The following IFT27 variants were observed in gnomAD, a reference collection of about 807,000 sequenced individuals.
The protein encoded by IFT27 is intraflagellar transport 27.
In IFT27, 19 loss-of-function variants were observed where a neutral mutation model predicts 23.9. The observed-to-expected ratio is 0.79, with a 90% CI of 0.55 to 1.16. The LOEUF (loss-of-function observed/expected upper bound fraction) is 1.16. Ranked by LOEUF, IFT27 falls within the 50% of genes most tolerant of loss-of-function variation. The pLI is 0.00. For missense variants in IFT27, 206 were observed against 228.7 expected, an observed-to-expected ratio of 0.90 and a Z score of 0.64; for synonymous variants, 91 against 89.1, an observed-to-expected ratio of 1.02 and a Z score of -0.12.
intron 5 of IFT27, 161 bp from the exon 6 acceptor site, chr22:36,763,174 G>A (rs1287799869): frequency 2.1e-5 from 10 of 479,624 alleles, no homozygotes; most frequent in Admixed American, 1.2e-4. Flanking sequence ...GGGGTCTCTC[G>A]TGATGGCCCC....
chr22:36,759,569 A>G (rs1159098710), intron 6 of IFT27: 1 of 152,096 alleles, frequency 6.6e-6, no homozygotes. Flanking sequence ...GCATTCAAAA[A>G]CTTTCTCAGA....
chr22:36,772,210 C>G (rs1938399880), intron 1 of IFT27, among the ~76,000 whole-genome samples: 2 of 152,190 alleles, frequency 1.3e-5, no homozygotes, highest in Non-Finnish European at 2.9e-5. Flanking sequence ...CAGAGCAACC[C>G]TCCCAGGAGG....
chr22:36,767,691 A>T, intron 2 of IFT27, 92 bp downstream of exon 2: 1 of 1,180,842 alleles, frequency 8.5e-7, no homozygotes, highest in Non-Finnish European at 1.3e-6. Flanking sequence ...CAGCTGTCTT[A>T]AGGCTTCCCT....
chr22:36,773,389 C>T (rs1392886679), intron 1 of IFT27, among the ~76,000 whole-genome samples: 4 of 151,858 alleles, frequency 2.6e-5, no homozygotes, highest in South Asian at 2.1e-4. Context: ...CAGTGACTCA[C>T]GCCTGTAATC....
chr22:36,762,475 C>T (rs1459474648), intron 6 of IFT27: 2 of 153,614 alleles, frequency 1.3e-5, no homozygotes, highest in Non-Finnish European at 2.9e-5. Context: ...TGGCTCCACC[C>T]TTCGCTAATC....
Position 36,762,917 on chromosome 22 carries a change from A to G in IFT27, c.449T>C (p.Phe150Ser). The G allele has an allele frequency of 6.4e-7, 1 of 1,574,750 alleles. No individual in the cohort carries two copies. The highest frequency in any genetic ancestry group is 2.3e-5 in the East Asian group (1 of 43,340). Residue 150 changes from phenylalanine to serine, a missense_variant, in exon 6 of 7, where the codon TTT (phenylalanine) becomes TCT (serine). Phe to Ser is a radical substitution (Grantham distance 155). Transcript: ENST00000433985. ...GGAAATACTCACCACGGATGTTTCA[A>G]AACATTCCAGGCCCTGGCCCAGCGC... ...AWALGQGLEC[F>S]ETSVKEMENF...
chr22:36,773,355 G>A lies in IFT27; in HGVS notation c.34+2319C>T, dbSNP rs1268492794. ...AGCCTGGGAGACAGAGTGAAATTAC[G>A]CCTCAAAAAAAAAGGTCCGGGCACA... On this transcript the variant is annotated intron_variant, in intron 1 of 6. Coordinates refer to ENST00000433985, the MANE Select transcript of IFT27 (RefSeq NM_001177701.3). Among the ~76,000 whole-genome samples, 4 of 149,288 alleles carry A rather than the reference G, an allele frequency of 2.7e-5. No homozygotes were observed. In the East Asian group the frequency reaches 5.9e-4, roughly 22 times the overall value.
rs767854628 is a variant in IFT27 at position 36,758,297 on chromosome 22, T to C, written c.*14A>G. 2 of 1,591,982 alleles carry C rather than the reference T, an allele frequency of 1.3e-6. No individual in the cohort carries two copies. Among genetic ancestry groups the C allele is most frequent in the Middle Eastern group, 1.7e-4 (1 of 6,028 alleles). On this transcript the variant is annotated 3_prime_UTR_variant, in exon 7 of 7. Coordinates refer to ENST00000433985, the MANE Select transcript of IFT27 (RefSeq NM_001177701.3). ...TGTCTTCTCCGGTTGTGCAGCACGATCTGCTCCAGCTCGTCATGCCAGGGC... is the reference window on the plus strand; with the variant it reads ...TGTCTTCTCCGGTTGTGCAGCACGACCTGCTCCAGCTCGTCATGCCAGGGC...
At position 36,766,207 on chromosome 22, in the gene IFT27, G is replaced by A. The variant is rs1361995025; in HGVS notation, c.175-10C>T. ...CAAAAATGAAGAGTTCCTACAATCA[G>A]AAAAGCAAGAAAAGTCTCCACGTGG... On this transcript the variant is annotated splice_polypyrimidine_tract_variant and intron_variant, in intron 3 of 6. Transcript: ENST00000433985. The A allele has an allele frequency of 1.9e-6, 3 of 1,613,216 alleles. No individual in the cohort carries two copies. The highest frequency in any genetic ancestry group is 2.5e-6 in the Non-Finnish European group (3 of 1,179,310).
chr22:36,765,745 C>T (rs1188610202), intron 4 of IFT27, among the ~76,000 whole-genome samples: 1 of 152,180 alleles, frequency 6.6e-6, no homozygotes, highest in East Asian at 1.9e-4. Context: ...GAAAGTGAGC[C>T]TCGTTATAGG....
chr22:36,763,162 C>CG lies in IFT27; in HGVS notation c.353-150dup, dbSNP rs577819108. ...TGGTGAGCCCCCCCACAGGGAAAGCCGGGGGTCTCTCGTGATGGCCCCAAG... is the reference window on the plus strand; with the variant it reads ...TGGTGAGCCCCCCCACAGGGAAAGCCGGGGGGTCTCTCGTGATGGCCCCAAG... On this transcript the variant is annotated intron_variant, in intron 5 of 6. Coordinates refer to ENST00000433985, the MANE Select transcript of IFT27 (RefSeq NM_001177701.3). The CG allele has an allele frequency of 6.0e-4, 300 of 502,014 alleles. 1 individual carries two copies. Among genetic ancestry groups the CG allele is most frequent in the African/African-American group, 4.3e-3 (216 of 50,554 alleles). The allele number at this position is 502,014 out of a possible 1,614,324, so 31.1% of individuals were successfully genotyped here.
chr22:36,760,625 A>G (rs564681310), intron 6 of IFT27: 2 of 152,264 alleles, frequency 1.3e-5, no homozygotes, highest in South Asian at 4.1e-4. Context: ...TAGAAAACCC[A>G]AGTTTTCCAG....
intron 6 of IFT27, chr22:36,759,560 C>T (rs942219062): frequency 1.3e-5 from 2 of 152,132 alleles, no homozygotes; most frequent in African/African-American, 4.8e-5. Context: ...TGCACGTGTG[C>T]ATTCAAAAAC....
Position 36,767,371 on chromosome 22 carries a change from G to C in IFT27, c.115-6C>G. ...ACCAAATCCATTCCTGTTGTCTGCC[G>C]AGGAACACCAAGAATGTTAGCACTG... On this transcript the variant is annotated splice_polypyrimidine_tract_variant and splice_region_variant and intron_variant, in intron 2 of 6. Transcript: ENST00000433985. The C allele has an allele frequency of 6.2e-7, 1 of 1,610,862 alleles. No individual in the cohort carries two copies. The highest frequency in any genetic ancestry group is 8.5e-7 in the Non-Finnish European group (1 of 1,178,188).
At position 36,775,679 on chromosome 22, in the gene IFT27, A is replaced by T; in HGVS notation, c.29T>A (p.Leu10Gln). ...GCGCAAGTTTTCAGACTCACCTGCC[A>T]GGATGCATTTGGCTGCCAGCTTCAC... Reference protein sequence around the residue: MVKLAAKCILAGDPAVGKTA... With the variant: MVKLAAKCIQAGDPAVGKTA... The change falls in exon 1 of 7, where the codon CTG becomes CAG. Residue 10 changes from leucine (L) to glutamine (Q), a missense_variant. Coordinates refer to ENST00000433985, the MANE Select transcript of IFT27 (RefSeq NM_001177701.3). 6.2e-7 allele frequency: 1 copy of T among 1,614,168 alleles called. No homozygotes were observed. The highest frequency in any genetic ancestry group is 1.1e-5 in the South Asian group (1 of 91,082).
At chr22:36,761,065 G>C (rs1184937675) in intron 6 of IFT27, 1 of 156,124 alleles carries the variant, frequency 6.4e-6, no homozygotes, top group African/African-American at 2.4e-5. Flanking sequence ...CTCAACTCAG[G>C]GGGGACTAGT....
intron 1 of IFT27, chr22:36,772,439 G>C: frequency 1.1e-6 from 1 of 904,312 alleles, no homozygotes; most frequent in Non-Finnish European, 1.3e-6. Flanking sequence ...AATATGCACA[G>C]TGCCTGGCAT....
At position 36,758,391 on chromosome 22, in the gene IFT27, C is replaced by A. The variant is rs753938507; in HGVS notation, c.481G>T (p.Glu161Ter). The change falls in exon 7 of 7, where the codon GAA (glutamate) becomes TAA (stop). Residue 161 changes from glutamate (E) to a stop codon, truncating the protein, a stop_gained. Transcript: ENST00000433985. LOFTEE classifies it high-confidence loss of function. ...ETSVKEMENF[E>*]APFHCLAKQF... ...TTGGCAAGGCAGTGGAAAGGGGCTT[C>A]GAAGTTTTCCATCTCTTTCTGGAAA... 1 of 1,613,980 alleles carries A rather than the reference C, an allele frequency of 6.2e-7. No homozygotes were observed. The highest frequency in any genetic ancestry group is 2.2e-5 in the East Asian group (1 of 44,876).
chr22:36,758,978 G>A (rs1030212425), intron 6 of IFT27: 5 of 154,494 alleles, frequency 3.2e-5, no homozygotes, highest in African/African-American at 9.6e-5. Flanking sequence ...CTGAACCAGC[G>A]GGGGCCAAGT....
Sources: gnomAD v4.1 joint callset for allele counts (sites outside exome capture counted in the v4.1 genomes callset) on GRCh38, gnomAD v4.1.1 for gene constraint, MANE v1.5 for transcripts, NCBI Gene and HGNC (gene_info 2026-07-23, HGNC 2026-07-21) for gene names.